The following CIT variants were observed in gnomAD, a reference collection of about 807,000 sequenced individuals.
CIT encodes the protein citron rho-interacting serine/threonine kinase.
A neutral mutation model predicts 272.7 loss-of-function variants in CIT; 79 were observed. The ratio of observed to expected loss-of-function variants is 0.29; its 90% confidence interval spans 0.24 to 0.35. The LOEUF is 0.35. CIT is among the 10% of genes least tolerant of loss of function. The pLI is 1.00. For missense variants in CIT, 1,909 were observed against 2,618.3 expected (o/e 0.73, Z 5.91); for synonymous variants, 948 against 995.6 (o/e 0.95, Z 0.90).
chr12:119,795,176 G>A (rs546684841), intron 10 of CIT, among the ~76,000 whole-genome samples: 1 of 152,318 alleles, frequency 6.6e-6, no homozygotes, highest in East Asian at 1.9e-4. Flanking sequence ...GAGGTCAGGA[G>A]TTCAAGACAG....
intron 44 of CIT, among the ~76,000 whole-genome samples, chr12:119,698,402 CT>C (rs1355887181): frequency 6.6e-6 from 1 of 152,076 alleles, no homozygotes; most frequent in African/African-American, 2.4e-5. Flanking sequence ...CCAGCCTGGC[CT>C]ACATGGTGAA....
intron 47 of CIT, 131 bp from the exon 48 acceptor site, chr12:119,688,386 G>C: frequency 2.3e-6 from 2 of 871,494 alleles, no homozygotes; most frequent in Non-Finnish European, 3.8e-6. Flanking sequence ...GTGCTTGGCA[G>C]GGCAGCACCC....
At position 119,712,475 on chromosome 12, in the gene CIT, G is replaced by A. The variant is rs1161395653; in HGVS notation, c.4684+116C>T. 11 of 1,383,896 alleles carry A rather than the reference G, an allele frequency of 7.9e-6. No individual in the cohort carries two copies. Among genetic ancestry groups the A allele is most frequent in the African/African-American group, 2.9e-5 (2 of 69,898 alleles). The allele number at this position is 1,383,896 out of a possible 1,614,324, so 85.7% of individuals were successfully genotyped here. A position where few individuals can be genotyped will look rare whatever the true frequency, so the allele number is the denominator to read the frequency against. On this transcript the variant is annotated intron_variant, in intron 36 of 47. Transcript: ENST00000392521. The surrounding 1 kb of genome is among the most constrained non-coding windows in gnomAD (Gnocchi z 5.2). Reference sequence around the variant, plus strand: ...CCCAGTTACCGCCAAGGCGGGGAGCGGAGGAAGATGGGCCTCCTTTGCAGA... The same window carrying A: ...CCCAGTTACCGCCAAGGCGGGGAGCAGAGGAAGATGGGCCTCCTTTGCAGA...
intron 3 of CIT, among the ~76,000 whole-genome samples, chr12:119,861,184 G>A (rs1161005296): frequency 2.6e-5 from 4 of 151,656 alleles, no homozygotes; most frequent in African/African-American, 9.7e-5. Context: ...CCCCAAAACC[G>A]TCACATCACT....
intron 10 of CIT, among the ~76,000 whole-genome samples, chr12:119,796,322 A>G (rs1965725913): frequency 6.6e-6 from 1 of 152,198 alleles, no homozygotes; most frequent in Non-Finnish European, 1.5e-5. Context: ...ATCACTGAGG[A>G]GGCTACTGCA....
At chr12:119,773,012 T>G in intron 16 of CIT, 102 bp from the exon 17 acceptor site, 1 of 692,364 alleles carries the variant, frequency 1.4e-6, no homozygotes, top group East Asian at 4.0e-5. Context: ...TAAAGTATAA[T>G]CTAAAAAAAA....
chr12:119,843,590 T>C (rs1053458482), intron 5 of CIT, among the ~76,000 whole-genome samples: 7 of 151,904 alleles, frequency 4.6e-5, no homozygotes, highest in African/African-American at 1.7e-4. Flanking sequence ...GGAGGGAAGA[T>C]TACAAGGTCA....
Position 119,718,576 on chromosome 12 carries a change from T to C in CIT, c.4003+123A>G, listed in dbSNP as rs1286103804. On this transcript the variant is annotated intron_variant, in intron 31 of 47. Coordinates refer to ENST00000392521, the MANE Select transcript of CIT (RefSeq NM_001206999.2). The surrounding 1 kb of genome is among the most constrained non-coding windows in gnomAD (Gnocchi z 4.8). ...ATACGTTTTTCAGACATGGGATGTC[T>C]GGTCTGAAAGCGTATGGGCCATAAA... 2.9e-5 allele frequency: 42 copies of C among 1,424,982 alleles called. No homozygotes were observed. Among genetic ancestry groups the C allele is most frequent in the Middle Eastern group, 5.2e-4 (2 of 3,852 alleles). 88.3% of individuals were successfully genotyped at this position (1,424,982 alleles called of 1,614,324 possible). A position where few individuals can be genotyped will look rare whatever the true frequency, so the allele number is the denominator to read the frequency against.
At position 119,803,225 on chromosome 12, in the gene CIT, C is replaced by G; in HGVS notation, c.1276G>C (p.Gly426Arg). ...FVGFSYSKALGILGRSESVVS... is the reference protein window; with the variant it reads ...FVGFSYSKALRILGRSESVVS... The stretch of plus-strand genomic sequence containing the variant: ...ACTTACTCAGATCTACCAAGAATCC[C>G]CAGTGCCTTGCTGTACGAAAACCCC... The change falls in exon 10 of 48, where the codon GGG becomes CGG. Residue 426 changes from glycine (G) to arginine (R), a missense_variant. Physicochemically the swap from Gly to Arg is moderately radical, Grantham distance 125. Coordinates refer to ENST00000392521, the MANE Select transcript of CIT (RefSeq NM_001206999.2). 1.3e-6 allele frequency: 2 copies of G among 1,571,908 alleles called. No homozygotes were observed. The highest frequency in any genetic ancestry group is 2.3e-5 in the South Asian group (2 of 85,924).
At chr12:119,724,930 C>CAAAAAAAA (rs35757526) in intron 28 of CIT, among the ~76,000 whole-genome samples, 1 of 44,528 alleles carries the variant, frequency 2.2e-5, no homozygotes, top group Non-Finnish European at 4.3e-5. Flanking sequence ...GACTCCATCT[C>CAAAAAAAA]AAAAAAAAAA....
intron 3 of CIT, among the ~76,000 whole-genome samples, chr12:119,866,015 C>T (rs567725691): frequency 1.2e-4 from 18 of 152,176 alleles, no homozygotes; most frequent in Admixed American, 9.8e-4. Context: ...TGCATAACCA[C>T]GCATCCCCCA....
At chr12:119,731,813 AATATATATATATAT>A (rs57327382) in intron 26 of CIT, among the ~76,000 whole-genome samples, 1 of 139,130 alleles carries the variant, frequency 7.2e-6, no homozygotes, top group African/African-American at 2.8e-5. Flanking sequence ...TTCTCTCCTA[AATATATATATATAT>A]ATATATATAT....
chr12:119,784,488 G>C lies in CIT; in HGVS notation c.1402-437C>G. On this transcript the variant is annotated intron_variant, in intron 11 of 47. Coordinates refer to ENST00000392521, the MANE Select transcript of CIT (RefSeq NM_001206999.2). This position sits in a 1 kb window ranked among gnomAD's most constrained non-coding sequence, Gnocchi z 4.7. ...TTCGTCTGCACTCTTAGGAGTCCCA[G>C]GCAAGCAGTGACTTATTAGTTTCCA... 1 of 1,189,742 alleles carries C rather than the reference G, an allele frequency of 8.4e-7. No homozygotes were observed. Among genetic ancestry groups the C allele is most frequent in the Non-Finnish European group, 1.1e-6 (1 of 946,172 alleles). The allele number at this position is 1,189,742 out of a possible 1,614,324, so 73.7% of individuals were successfully genotyped here. A position where few individuals can be genotyped will look rare whatever the true frequency, so the allele number is the denominator to read the frequency against.
chr12:119,761,466 T>C (rs1454398088), intron 19 of CIT, among the ~76,000 whole-genome samples: 1 of 152,152 alleles, frequency 6.6e-6, no homozygotes, highest in Non-Finnish European at 1.5e-5. Context: ...AGTGCACCCG[T>C]AGTTTTCAGA....
chr12:119,772,239 T>C (rs1428443939), intron 17 of CIT, among the ~76,000 whole-genome samples: 1 of 152,212 alleles, frequency 6.6e-6, no homozygotes, highest in Admixed American at 6.5e-5. Context: ...TATTCTTCTG[T>C]ACTGTTTTAA....
intron 46 of CIT, among the ~76,000 whole-genome samples, chr12:119,695,954 T>A (rs1593372127): frequency 6.6e-6 from 1 of 152,262 alleles, no homozygotes; most frequent in Non-Finnish European, 1.5e-5. Flanking sequence ...AGCTTGAACA[T>A]GTGCAGTACA....
Position 119,686,134 on chromosome 12 carries a change from CT to C in CIT, c.*2097del, listed in dbSNP as rs199571119. On this transcript the variant is annotated 3_prime_UTR_variant, in exon 48 of 48. Coordinates refer to ENST00000392521, the MANE Select transcript of CIT (RefSeq NM_001206999.2). ...AAAGTAGAAACCAATTCAATTTCCT[CT>C]TTTTTTTTTTACGAATATAAAGTTT... 341 of 146,476 alleles carry C rather than the reference CT, an allele frequency of 2.3e-3. 1 individual carries two copies. The highest frequency in any genetic ancestry group is 7.3e-3 in the African/African-American group (294 of 40,068). 9.1% of individuals were successfully genotyped at this position (146,476 alleles called of 1,614,324 possible). A position where few individuals can be genotyped will look rare whatever the true frequency, so the allele number is the denominator to read the frequency against.
chr12:119,740,335 T>G (rs1373328525), intron 24 of CIT, among the ~76,000 whole-genome samples: 1 of 152,182 alleles, frequency 6.6e-6, no homozygotes, highest in Non-Finnish European at 1.5e-5. Flanking sequence ...CAAGATGAAT[T>G]ACAAAGGGGT....
chr12:119,723,343 C>A (rs147449462), intron 28 of CIT, among the ~76,000 whole-genome samples: 1 of 146,206 alleles, frequency 6.8e-6, no homozygotes, highest in Non-Finnish European at 1.5e-5. Context: ...CTAGAATAAA[C>A]GCATCAACTG....
Sources: gnomAD v4.1 joint callset for allele counts (sites outside exome capture counted in the v4.1 genomes callset) on GRCh38, gnomAD v4.1.1 for gene constraint, Gnocchi (gnomAD v3.1) non-coding constraint, MANE v1.5 for transcripts, NCBI Gene and HGNC (gene_info 2026-07-23, HGNC 2026-07-21) for gene names.